Variants in PGAP1 observed in about 807,000 individuals in gnomAD.
PGAP1 encodes GPI inositol-deacylase.
In PGAP1, 76 loss-of-function variants were observed where a neutral mutation model predicts 127.0. The ratio of observed to expected loss-of-function variants is 0.60; its 90% CI spans 0.50 to 0.72. The LOEUF is 0.72. Among genes scored for constraint, PGAP1 ranks in the 30% least tolerant of loss-of-function variants. The pLI, the probability that PGAP1 is intolerant of heterozygous loss-of-function variation, is 0.00. For synonymous variants in PGAP1, 362 were observed against 366.5 expected (o/e 0.99, Z 0.14); for missense variants, 982 against 1,071.3 (o/e 0.92, Z 1.16).
At chr2:196,918,025 T>A (rs2125838734) in intron 2 of PGAP1, among the ~76,000 whole-genome samples, 3 of 152,288 alleles carry the variant, frequency 2.0e-5, no homozygotes, top group East Asian at 1.9e-4. Context: ...ATTATAACTA[T>A]CCTAGGAGGT....
At position 196,872,516 on chromosome 2, in the gene PGAP1, G is replaced by C. The variant is rs1701439870; in HGVS notation, c.1653C>G (p.Leu551=). 2 of 1,612,936 alleles carry C rather than the reference G, an allele frequency of 1.2e-6. No homozygotes were observed. The highest frequency in any genetic ancestry group is 1.7e-6 in the Non-Finnish European group (2 of 1,179,036). Residue 551 remains leucine (L), a synonymous_variant, in exon 18 of 27, where the codon CTC becomes CTG. Coordinates refer to ENST00000354764, the MANE Select transcript of PGAP1 (RefSeq NM_024989.4). ...TATTGTTTTCTGGTTGAGCAATATG[G>C]AGTTTCAGAGAAATTTCTGTGGAAG... ...APSSTEISLK[L]HIAQPENNTH...
At chr2:196,859,998 A>T (rs1701011657) in intron 20 of PGAP1, among the ~76,000 whole-genome samples, 1 of 152,188 alleles carries the variant, frequency 6.6e-6, no homozygotes, top group African/African-American at 2.4e-5. Flanking sequence ...GAGTACTAGA[A>T]GTCCTAGCCA....
At chr2:196,901,569 A>G (rs1292540416) in intron 5 of PGAP1, among the ~76,000 whole-genome samples, 2 of 152,224 alleles carry the variant, frequency 1.3e-5, no homozygotes, top group East Asian at 3.8e-4. Context: ...TGATGTGTAT[A>G]CTGAGTTAAG....
At chr2:196,879,943 A>T in intron 13 of PGAP1, 133 bp downstream of exon 13, 1 of 621,300 alleles carries the variant, frequency 1.6e-6, no homozygotes. Context: ...CTAATAATTT[A>T]ACAGTCTTAG....
intron 20 of PGAP1, among the ~76,000 whole-genome samples, chr2:196,861,963 C>A (rs115410785): frequency 2.0e-5 from 3 of 150,600 alleles, no homozygotes; most frequent in African/African-American, 4.9e-5. Context: ...ATGTGATAAT[C>A]GTATTAACTG....
intron 1 of PGAP1, among the ~76,000 whole-genome samples, chr2:196,925,746 C>A (rs1179416350): frequency 2.0e-5 from 3 of 152,114 alleles, no homozygotes; most frequent in Admixed American, 6.5e-5. Context: ...TTAAGAGGCT[C>A]GGCTGCTGAG....
Position 196,843,972 on chromosome 2 carries a change from C to A in PGAP1, c.2441G>T (p.Arg814Leu). Residue 814 changes from arginine (R) to leucine (L), a missense_variant, in exon 25 of 27, where the codon CGC (arginine) becomes CTC (leucine). Arg to Leu is a moderately radical substitution (Grantham distance 102, BLOSUM62 -2). Coordinates refer to ENST00000354764, the MANE Select transcript of PGAP1 (RefSeq NM_024989.4). ...LSANDAEDSL[R>L]MHSTVINLLT... ...TAAGTTAATCACAGTACTGTGCATG[C>A]GAAGGCTATCTTCAGCATCGTTGGC... 1.9e-6 allele frequency: 3 copies of A among 1,607,944 alleles called. No individual in the cohort carries two copies. Among genetic ancestry groups the A allele is most frequent in the Non-Finnish European group, 2.6e-6 (3 of 1,175,862 alleles).
At chr2:196,853,998 C>A (rs1700797298) in intron 20 of PGAP1, among the ~76,000 whole-genome samples, 1 of 150,444 alleles carries the variant, frequency 6.6e-6, no homozygotes, top group African/African-American at 2.5e-5. Flanking sequence ...TTAAGTAATC[C>A]TCCCTTCTCA....
Position 196,885,822 on chromosome 2 carries a change from C to CAAA in PGAP1, c.1220+9_1220+11dup. On this transcript the variant is annotated intron_variant, in intron 11 of 26. Transcript: ENST00000354764. ...ATGTTGAGATAAATGAACATGCATT[C>CAAA]AAAAGACTTACCACATAGAAGTGCT... is the stretch of plus-strand genomic sequence containing the variant. The CAAA allele has an allele frequency of 2.1e-6, 3 of 1,399,806 alleles. No homozygotes were observed. Among genetic ancestry groups the CAAA allele is most frequent in the Non-Finnish European group, 2.8e-6 (3 of 1,070,972 alleles). The allele number at this position is 1,399,806 out of a possible 1,614,324, so 86.7% of individuals were successfully genotyped here.
chr2:196,919,925 C>G, intron 2 of PGAP1, 72 bp downstream of exon 2: 1 of 1,448,216 alleles, frequency 6.9e-7, no homozygotes, highest in Non-Finnish European at 9.4e-7. Context: ...TTTGATTCAC[C>G]GAGTATGGAT....
intron 20 of PGAP1, among the ~76,000 whole-genome samples, chr2:196,848,607 T>C (rs1700626842): frequency 6.6e-6 from 1 of 152,206 alleles, no homozygotes; most frequent in Non-Finnish European, 1.5e-5. Flanking sequence ...GATTCATCCA[T>C]GTTGTAACAT....
chr2:196,841,159 T>TGCAAG lies in PGAP1; in HGVS notation c.*74_*75insCTTGC. 1 of 1,389,344 alleles carries TGCAAG rather than the reference T, an allele frequency of 7.2e-7. No homozygotes were observed. Among genetic ancestry groups the TGCAAG allele is most frequent in the Non-Finnish European group, 9.7e-7 (1 of 1,029,588 alleles). 86.1% of individuals were successfully genotyped at this position (1,389,344 alleles called of 1,614,324 possible). A position where few individuals can be genotyped will look rare whatever the true frequency, so the allele number is the denominator to read the frequency against. On this transcript the variant is annotated 3_prime_UTR_variant, in exon 27 of 27. Coordinates refer to ENST00000354764, the MANE Select transcript of PGAP1 (RefSeq NM_024989.4). ...CTCCAAAGGATCTTGCTGTCCATAC[T>TGCAAG]GATGGATCTGTGTGTTCCCTCTTAT...
At chr2:196,871,525 A>G (rs1701408720) in intron 18 of PGAP1, among the ~76,000 whole-genome samples, 2 of 152,132 alleles carry the variant, frequency 1.3e-5, no homozygotes, top group Admixed American at 1.3e-4. Context: ...TTTTATCACA[A>G]TTTTTTGTAT....
At chr2:196,841,691 G>C (rs1192671082) in intron 26 of PGAP1, among the ~76,000 whole-genome samples, 1 of 151,964 alleles carries the variant, frequency 6.6e-6, no homozygotes, top group Non-Finnish European at 1.5e-5. Context: ...CTAATTTTTT[G>C]TATTTTTAGT....
chr2:196,872,705 T>C, intron 17 of PGAP1, 156 bp from the exon 18 acceptor site: 1 of 620,138 alleles, frequency 1.6e-6, no homozygotes, highest in South Asian at 2.1e-5. Flanking sequence ...GATATCACAA[T>C]TGTTTGAATG....
intron 4 of PGAP1, among the ~76,000 whole-genome samples, chr2:196,903,278 C>A (rs973446759): frequency 6.6e-6 from 1 of 151,670 alleles, no homozygotes; most frequent in African/African-American, 2.4e-5. Flanking sequence ...GCTGTAGATC[C>A]CTCCCTATGA....
intron 20 of PGAP1, among the ~76,000 whole-genome samples, chr2:196,856,761 T>A (rs750408052): frequency 3.3e-5 from 5 of 152,222 alleles, no homozygotes; most frequent in Admixed American, 2.0e-4. Flanking sequence ...CTTACCCTTC[T>A]TAGTGACCTT....
At chr2:196,915,258 A>G (rs1395614645) in intron 3 of PGAP1, among the ~76,000 whole-genome samples, 1 of 152,052 alleles carries the variant, frequency 6.6e-6, no homozygotes, top group East Asian at 1.9e-4. Flanking sequence ...CTCCGCCCTT[A>G]GATCACTGCT....
intron 4 of PGAP1, among the ~76,000 whole-genome samples, chr2:196,903,215 G>T (rs533898947): frequency 2.0e-4 from 31 of 151,254 alleles, no homozygotes; most frequent in Non-Finnish European, 2.4e-4. Flanking sequence ...ATATATGTGC[G>T]GTATTTTATA....
Sources: gnomAD v4.1 joint callset for allele counts (sites outside exome capture counted in the v4.1 genomes callset) on GRCh38, gnomAD v4.1.1 for gene constraint, MANE v1.5 for transcripts, NCBI Gene and HGNC (gene_info 2026-07-23, HGNC 2026-07-21) for gene names.